The following NKTR variants were observed in gnomAD, a reference collection of about 807,000 sequenced individuals.
NKTR encodes natural killer cell triggering receptor.
A neutral mutation model predicts 156.3 loss-of-function variants in NKTR; 67 were observed. The observed-to-expected ratio is 0.43, with a 90% CI of 0.35 to 0.53. The LOEUF is 0.53. NKTR is among the 20% of genes least tolerant of loss of function. The pLI is 0.01. For missense variants in NKTR, 1,604 were observed against 1,730.9 expected (o/e 0.93, Z 1.30); for synonymous variants, 640 against 596.6 (o/e 1.07, Z -1.06).
chr3:42,640,035 G>A (rs1425028706), intron 13 of NKTR, among the ~76,000 whole-genome samples: 4 of 152,180 alleles, frequency 2.6e-5, no homozygotes, highest in Admixed American at 6.5e-5. Context: ...TTAAAGGTGT[G>A]AGGCTGCTTC....
In NKTR at chr3:42,637,606, G is replaced by A; in HGVS notation, c.1902G>A (p.Gln634=). 6.2e-7 allele frequency: 1 copy of A among 1,609,666 alleles called. No individual in the cohort carries two copies. The highest frequency in any genetic ancestry group is 8.5e-7 in the Non-Finnish European group (1 of 1,178,854). The part of the protein sequence containing the change: ...KPWKPSYERI[Q]EMKAKTTHLL... ...GGAAGCCCTCTTATGAGCGAATTCAGGAAATGAAAGCTAAAACAACCCATT... is the reference window on the plus strand; with the variant it reads ...GGAAGCCCTCTTATGAGCGAATTCAAGAAATGAAAGCTAAAACAACCCATT... Residue 634 remains glutamine (Q), a synonymous_variant, in exon 13 of 17, where the codon CAG becomes CAA. Transcript: ENST00000232978.
At chr3:42,624,960 A>G (rs1296259615) in intron 6 of NKTR, among the ~76,000 whole-genome samples, 3 of 152,170 alleles carry the variant, frequency 2.0e-5, no homozygotes. Flanking sequence ...ATAGGACACT[A>G]ATATAGCTGT....
At chr3:42,636,732 A>G (rs1709447952) in intron 12 of NKTR, 136 bp from the exon 13 acceptor site, 2 of 1,253,180 alleles carry the variant, frequency 1.6e-6, no homozygotes, top group Non-Finnish European at 2.1e-6. Flanking sequence ...GACCAGGCCT[A>G]TAACTCTGAT....
intron 2 of NKTR, among the ~76,000 whole-genome samples, chr3:42,606,047 G>T (rs1284217884): frequency 2.6e-5 from 4 of 152,008 alleles, no homozygotes; most frequent in Non-Finnish European, 5.9e-5. Flanking sequence ...CTGCTGCTCT[G>T]AGTCATTCTT....
intron 11 of NKTR, 87 bp downstream of exon 11, chr3:42,634,787 T>C (rs1709227148): frequency 8.8e-6 from 6 of 678,846 alleles, no homozygotes; most frequent in Middle Eastern, 3.5e-4. Context: ...ATTTTAGATA[T>C]AATACAAAAT....
intron 2 of NKTR, among the ~76,000 whole-genome samples, chr3:42,607,731 G>A (rs1706358783): frequency 6.6e-6 from 1 of 151,930 alleles, no homozygotes; most frequent in Non-Finnish European, 1.5e-5. Context: ...GAATGAAAAG[G>A]GGGAAAAAAC....
At chr3:42,622,487 A>G (rs908140032) in intron 6 of NKTR, among the ~76,000 whole-genome samples, 7 of 152,068 alleles carry the variant, frequency 4.6e-5, no homozygotes, top group African/African-American at 1.2e-4. Context: ...TTAAAGGAGT[A>G]TATTACTGAC....
intron 2 of NKTR, among the ~76,000 whole-genome samples, chr3:42,605,588 GAA>G (rs1237501254): frequency 6.6e-6 from 1 of 152,138 alleles, no homozygotes; most frequent in Non-Finnish European, 1.5e-5. Flanking sequence ...AACAGGACAG[GAA>G]AATTTGCTTA....
At chr3:42,630,973 T>C in intron 7 of NKTR, 198 bp from the exon 8 acceptor site, 4 of 1,411,432 alleles carry the variant, frequency 2.8e-6, no homozygotes, top group South Asian at 1.6e-5. Context: ...GGCAGAAAAC[T>C]GAGGCCCAGT....
chr3:42,624,311 G>T (rs1167696315), intron 6 of NKTR, among the ~76,000 whole-genome samples: 1 of 151,892 alleles, frequency 6.6e-6, no homozygotes, highest in East Asian at 1.9e-4. Context: ...TGTGGAAGAA[G>T]TGATATATGG....
At chr3:42,645,521 C>T (rs1184175683) in intron 16 of NKTR, among the ~76,000 whole-genome samples, 1 of 151,954 alleles carries the variant, frequency 6.6e-6, no homozygotes, top group Non-Finnish European at 1.5e-5. Flanking sequence ...CCCGTCTCTA[C>T]TAAATAAAAA....
chr3:42,631,335 G>GT lies in NKTR; in HGVS notation c.550+20dup. ...AAAGATGGTAAGAACTTTTTTGACA[G>GT]TAGATGAAGCTAAGATGCAGGTAAA... is the stretch of plus-strand genomic sequence containing the variant. On this transcript the variant is annotated intron_variant, in intron 8 of 16. Transcript: ENST00000232978. The GT allele has an allele frequency of 6.2e-7, 1 of 1,610,956 alleles. No individual in the cohort carries two copies. The highest frequency in any genetic ancestry group is 8.5e-7 in the Non-Finnish European group (1 of 1,178,336).
intron 12 of NKTR, among the ~76,000 whole-genome samples, chr3:42,635,645 C>T (rs546432947): frequency 1.3e-5 from 2 of 152,288 alleles, no homozygotes; most frequent in East Asian, 3.9e-4. Context: ...AGAGGCCGGG[C>T]GTGGTGGCTC....
intron 2 of NKTR, among the ~76,000 whole-genome samples, chr3:42,609,900 T>C (rs1347877434): frequency 6.6e-6 from 1 of 152,244 alleles, no homozygotes; most frequent in Non-Finnish European, 1.5e-5. Flanking sequence ...AGTTGGTTCT[T>C]TTGGGCTTTC....
At chr3:42,621,348 T>C in intron 5 of NKTR, 81 bp from the exon 6 acceptor site, 1 of 1,505,616 alleles carries the variant, frequency 6.6e-7, no homozygotes, top group South Asian at 1.3e-5. Flanking sequence ...ATTTCATCTT[T>C]TGCTTTCTAT....
chr3:42,634,770 A>G (rs1397747247), intron 11 of NKTR, 70 bp downstream of exon 11: 15 of 792,172 alleles, frequency 1.9e-5, no homozygotes, highest in South Asian at 1.2e-4. Context: ...TCAAAGTCCT[A>G]GCGTTAATTT....
At chr3:42,602,324 C>T (rs1705580769) in intron 2 of NKTR, 1 of 152,042 alleles carries the variant, frequency 6.6e-6, no homozygotes, top group Non-Finnish European at 1.5e-5. Context: ...TGTAGTAGGC[C>T]GTACCATCTA....
Position 42,637,698 on chromosome 3 carries a change from A to G in NKTR, c.1994A>G (p.His665Arg), listed in dbSNP as rs1577567579. 6.2e-7 allele frequency: 1 copy of G among 1,614,112 alleles called. No homozygotes were observed. The highest frequency in any genetic ancestry group is 1.6e-4 in the Middle Eastern group (1 of 6,062). Residue 665 changes from histidine to arginine, a missense_variant, in exon 13 of 17, where the codon CAT becomes CGT. Around this residue, in one of 6 missense-constraint regions of NKTR, gnomAD observed 1,255 missense variants for 1,243.7 expected, o/e 1.01. Transcript: ENST00000232978. ...IKETGSSSSY[H>R]KREKNSESDQ... is the part of the protein sequence containing the mutation. ...GAGACTGGTAGCTCATCATCCTACC[A>G]TAAAAGAGAAAAAAATTCGGAAAGT...
Position 42,620,607 on chromosome 3 carries a change from G to A in NKTR, c.287-822G>A, listed in dbSNP as rs1024471758. The A allele has an allele frequency of 4.1e-6, 4 of 984,190 alleles. No individual in the cohort carries two copies. The East Asian group carries it at 3.4e-4, about 84-fold the overall frequency. The allele number at this position is 984,190 out of a possible 1,614,324, so 61.0% of individuals were successfully genotyped here. A position where few individuals can be genotyped will look rare whatever the true frequency, so the allele number is the denominator to read the frequency against. ...AGTTTTCTGTGTTTCTGTTTGTTCT[G>A]AAGAAGATTTGTTTGTATGAATGTT... On this transcript the variant is annotated intron_variant, in intron 5 of 16. Coordinates refer to ENST00000232978, the MANE Select transcript of NKTR (RefSeq NM_005385.4).
Sources: allele counts gnomAD v4.1 joint callset (sites outside exome capture counted in the v4.1 genomes callset), GRCh38; gene constraint gnomAD v4.1.1; regional missense constraint gnomAD v4.1.1; transcripts MANE v1.5; gene names NCBI Gene and HGNC (gene_info 2026-07-23, HGNC 2026-07-21).